Variants in SGCZ observed in about 807,000 individuals in gnomAD.
SGCZ encodes sarcoglycan zeta, also known as zeta-sarcoglycan.
In SGCZ, 40 loss-of-function variants were observed where a neutral mutation model predicts 41.3. The observed-to-expected ratio is 0.97, with a 90% CI of 0.75 to 1.26. SGCZ has a LOEUF of 1.26. SGCZ is among the 50% of genes most tolerant of loss of function. The pLI, the probability that SGCZ is intolerant of heterozygous loss-of-function variation, is 0.00. For missense variants in SGCZ, 552 were observed against 369.8 expected (o/e 1.49, Z -4.04); for synonymous variants, 206 against 137.5 (o/e 1.50, Z -3.49).
intron 1 of SGCZ, among the ~76,000 whole-genome samples, chr8:15,120,443 G>C (rs1402906392): frequency 2.0e-5 from 3 of 151,960 alleles, no homozygotes; most frequent in African/African-American, 7.3e-5. Flanking sequence ...TAGATTTATT[G>C]GTTAATTTAA....
At chr8:14,110,326 G>A (rs1178685994) in intron 5 of SGCZ, among the ~76,000 whole-genome samples, 2 of 152,018 alleles carry the variant, frequency 1.3e-5, no homozygotes, top group Non-Finnish European at 2.9e-5. Flanking sequence ...AAATTTCCCA[G>A]ATAAGGTGAC....
intron 1 of SGCZ, among the ~76,000 whole-genome samples, chr8:14,637,613 G>A (rs1806877105): frequency 6.6e-6 from 1 of 151,638 alleles, no homozygotes; most frequent in Admixed American, 6.6e-5. Flanking sequence ...TAGGATAATG[G>A]CATCCAGCTG....
chr8:15,161,073 T>G (rs1302675410), intron 1 of SGCZ, among the ~76,000 whole-genome samples: 1 of 152,110 alleles, frequency 6.6e-6, no homozygotes, highest in Non-Finnish European at 1.5e-5. Context: ...TCTGAAGATC[T>G]TGCAGTGGCC....
Position 15,208,934 on chromosome 8 carries a change from A to T in SGCZ, c.39+28651T>A, listed in dbSNP as rs938501304. ...AGAGAGAGAGAGAGAATTGTTCCTA[A>T]TACTATCTAAAAGGATTTAACATTT... On this transcript the variant is annotated intron_variant, in intron 1 of 7. Transcript: ENST00000382080. Among the ~76,000 whole-genome samples the T allele has an allele frequency of 4.7e-4, 72 of 151,588 alleles. 1 individual carries two copies. Among genetic ancestry groups the T allele is most frequent in the South Asian group, 1.0e-3 (5 of 4,816 alleles).
At chr8:15,022,164 T>A (rs368354981) in intron 1 of SGCZ, among the ~76,000 whole-genome samples, 2 of 152,186 alleles carry the variant, frequency 1.3e-5, no homozygotes, top group East Asian at 3.9e-4. Context: ...GAATTTCATA[T>A]AAATGAATTA....
chr8:14,276,390 T>C (rs1800233812), intron 3 of SGCZ, among the ~76,000 whole-genome samples: 1 of 152,168 alleles, frequency 6.6e-6, no homozygotes. Flanking sequence ...AGACATTCGA[T>C]ATCAGGGTTT....
At chr8:15,132,372 A>G (rs781302039) in intron 1 of SGCZ, among the ~76,000 whole-genome samples, 1 of 152,128 alleles carries the variant, frequency 6.6e-6, no homozygotes, top group African/African-American at 2.4e-5. Flanking sequence ...CAGACTATGG[A>G]GTCTAACACC....
At chr8:14,605,024 T>C (rs1563147108) in intron 1 of SGCZ, among the ~76,000 whole-genome samples, 1 of 152,224 alleles carries the variant, frequency 6.6e-6, no homozygotes, top group Non-Finnish European at 1.5e-5. Context: ...CTCTGTGGTA[T>C]TGAACCTAAT....
intron 5 of SGCZ, among the ~76,000 whole-genome samples, chr8:14,111,518 C>A (rs377013276): frequency 6.6e-6 from 1 of 152,118 alleles, no homozygotes; most frequent in African/African-American, 2.4e-5. Context: ...TATATGTAAA[C>A]TTATTGAATA....
chr8:14,122,131 G>A (rs1388968877), intron 5 of SGCZ, among the ~76,000 whole-genome samples: 4 of 152,132 alleles, frequency 2.6e-5, no homozygotes, highest in Non-Finnish European at 5.9e-5. Context: ...CAAAAAAATA[G>A]CCGCGCATGG....
At chr8:15,185,691 G>A (rs1231379012) in intron 1 of SGCZ, among the ~76,000 whole-genome samples, 1 of 152,132 alleles carries the variant, frequency 6.6e-6, no homozygotes, top group Non-Finnish European at 1.5e-5. Flanking sequence ...CACTGCTTGA[G>A]ACATCCTGAA....
intron 1 of SGCZ, among the ~76,000 whole-genome samples, chr8:14,685,585 A>C (rs1296148471): frequency 6.6e-6 from 1 of 152,122 alleles, no homozygotes; most frequent in African/African-American, 2.4e-5. Context: ...ACCCAGTTTT[A>C]ATGGCTAACT....
chr8:14,942,701 C>A (rs1443777903), intron 1 of SGCZ, among the ~76,000 whole-genome samples: 1 of 152,140 alleles, frequency 6.6e-6, no homozygotes, highest in African/African-American at 2.4e-5. Context: ...AACTATATTT[C>A]TCCCTTTTGT....
chr8:15,141,895 CAA>C lies in SGCZ; in HGVS notation c.39+95688_39+95689del, dbSNP rs10553934. On this transcript the variant is annotated intron_variant, in intron 1 of 7. Transcript: ENST00000382080. Reference sequence around the variant, plus strand: ...CAGCATGGCAACAGTGTGAGACTCTCAAAAAAAAAAAAAACAAAAAAAATGAG... The same window carrying C: ...CAGCATGGCAACAGTGTGAGACTCTCAAAAAAAAAAAACAAAAAAAATGAG... Among the ~76,000 whole-genome samples, 271 of 144,230 alleles carry C rather than the reference CAA, an allele frequency of 1.9e-3. 1 individual carries two copies. The highest frequency in any genetic ancestry group is 3.6e-3 in the African/African-American group (141 of 38,804). The allele number at this position is 144,230 out of a possible 152,430, so 94.6% of individuals were successfully genotyped here.
chr8:14,283,512 T>C (rs189702150), intron 3 of SGCZ, among the ~76,000 whole-genome samples: 1 of 152,338 alleles, frequency 6.6e-6, no homozygotes, highest in Admixed American at 6.5e-5. Context: ...TTTTCATATA[T>C]ATATAAATAA....
At chr8:15,108,256 A>G (rs7812772) in intron 1 of SGCZ, among the ~76,000 whole-genome samples, 21,053 of 152,220 alleles carry the variant, frequency 0.14, 2,292 homozygotes, top group African/African-American at 0.31. Context: ...GGTTTTAAAC[A>G]TATGGTTCTC....
At chr8:14,603,586 G>GT (rs534678151) in intron 1 of SGCZ, among the ~76,000 whole-genome samples, 214 of 151,908 alleles carry the variant, frequency 1.4e-3, no homozygotes, top group Non-Finnish European at 2.3e-3. Context: ...AGGTTTTAGG[G>GT]TTTTTTTAAA....
At chr8:14,378,762 G>A (rs1804241240) in intron 2 of SGCZ, among the ~76,000 whole-genome samples, 1 of 152,100 alleles carries the variant, frequency 6.6e-6, no homozygotes, top group African/African-American at 2.4e-5. Context: ...CAGGTAAATA[G>A]TGTCAGAATT....
chr8:14,147,612 A>C (rs1231825028), intron 5 of SGCZ, among the ~76,000 whole-genome samples: 2 of 152,204 alleles, frequency 1.3e-5, no homozygotes, highest in African/African-American at 4.8e-5. Context: ...AAATACGATA[A>C]CTGGAAACTT....
Sources: allele counts gnomAD v4.1 joint callset (sites outside exome capture counted in the v4.1 genomes callset), GRCh38; gene constraint gnomAD v4.1.1; transcripts MANE v1.5; gene names NCBI Gene and HGNC (gene_info 2026-07-23, HGNC 2026-07-21).